Variants in CACNA1H observed in about 807,000 individuals in gnomAD.
The protein encoded by CACNA1H is voltage-dependent T-type calcium channel subunit alpha-1H.
In CACNA1H, 149 loss-of-function variants were observed where a neutral mutation model predicts 192.5. The ratio of observed to expected loss-of-function variants is 0.77; its 90% CI spans 0.68 to 0.89. The LOEUF (loss-of-function observed/expected upper bound fraction) is 0.89. Among genes scored for constraint, CACNA1H ranks in the 40% least tolerant of loss-of-function variants. The pLI, the probability that CACNA1H is intolerant of heterozygous loss-of-function variation, is 0.00. For synonymous variants in CACNA1H, 2,202 were observed against 1,475.2 expected, an observed-to-expected ratio of 1.49 and a Z score of -11.29; for missense variants, 4,257 against 3,423.5, an observed-to-expected ratio of 1.24 and a Z score of -6.08.
intron 2 of CACNA1H, among the ~76,000 whole-genome samples, chr16:1,162,374 G>C (rs1372114099): frequency 6.6e-6 from 1 of 152,024 alleles, no homozygotes; most frequent in African/African-American, 2.4e-5. Context: ...TCACCTGTGG[G>C]CCCCCCCGGA....
Position 1,212,036 on chromosome 16 carries a change from G to A in CACNA1H, c.4657G>A (p.Val1553Ile), listed in dbSNP as rs759669950. ...CTTCGTGCTCAACATGTTCGTGGGC[G>A]TCGTGGTCGAGAACTTCCACAAGTG... Reference protein sequence around the residue: ...SFFVLNMFVGVVVENFHKCRQ... With the variant: ...SFFVLNMFVGIVVENFHKCRQ... Residue 1553 changes from valine (V) to isoleucine (I), a missense_variant, in exon 25 of 35, where the codon GTC becomes ATC. By Grantham distance (29) the Val-to-Ile change is conservative (BLOSUM62 3). Transcript: ENST00000348261. The A allele has an allele frequency of 2.2e-5, 36 of 1,613,416 alleles. No individual in the cohort carries two copies. Among genetic ancestry groups the A allele is most frequent in the Admixed American group, 1.7e-4 (10 of 60,024 alleles).
At chr16:1,186,963 C>G (rs1966131740) in intron 2 of CACNA1H, among the ~76,000 whole-genome samples, 1 of 152,174 alleles carries the variant, frequency 6.6e-6, no homozygotes, top group Non-Finnish European at 1.5e-5. Context: ...TCCTGTACCA[C>G]CCACTGACTC....
At chr16:1,154,529 A>G (rs918183742) in intron 2 of CACNA1H, among the ~76,000 whole-genome samples, 2 of 151,516 alleles carry the variant, frequency 1.3e-5, no homozygotes, top group Non-Finnish European at 2.9e-5. Flanking sequence ...GCGTGGGGAG[A>G]CCCGTGGGGC....
At chr16:1,169,264 C>T (rs929179054) in intron 2 of CACNA1H, among the ~76,000 whole-genome samples, 1 of 152,242 alleles carries the variant, frequency 6.6e-6, no homozygotes, top group South Asian at 2.1e-4. Context: ...TCACTGTGGG[C>T]GGCACCGTCG....
At chr16:1,154,069 G>GT (rs1961946884) in intron 2 of CACNA1H, 33 bp downstream of exon 2, 2 of 845,316 alleles carry the variant, frequency 2.4e-6, no homozygotes, top group African/African-American at 4.8e-5. Flanking sequence ...GGCGGGGGGC[G>GT]GGGGGCGTGG....
At chr16:1,154,130 G>C (rs188293742) in intron 2 of CACNA1H, 94 bp downstream of exon 2, 1 of 1,023,430 alleles carries the variant, frequency 9.8e-7, no homozygotes. Context: ...GCCCCCGCGC[G>C]CCCCTGTTGG....
At chr16:1,197,054 C>G (rs1261519023) in intron 5 of CACNA1H, among the ~76,000 whole-genome samples, 1 of 152,198 alleles carries the variant, frequency 6.6e-6, no homozygotes, top group Non-Finnish European at 1.5e-5. Flanking sequence ...ACCCCCAAGG[C>G]TAGGCACTCC....
chr16:1,185,154 G>A (rs767144528), intron 2 of CACNA1H, among the ~76,000 whole-genome samples: 1 of 152,182 alleles, frequency 6.6e-6, no homozygotes, highest in Non-Finnish European at 1.5e-5. Flanking sequence ...CATGTTCCCG[G>A]GTTCACCTGT....
Position 1,195,034 on chromosome 16 carries a change from G to C in CACNA1H, c.362G>C (p.Arg121Pro). ...MLNCVTLGMF[R>P]PCEDVECGSE... ...AACTGCGTGACCCTGGGCATGTTCCGGCCCTGTGAGGACGTTGAGTGCGGC... is the reference window on the plus strand; with the variant it reads ...AACTGCGTGACCCTGGGCATGTTCCCGCCCTGTGAGGACGTTGAGTGCGGC... The change falls in exon 3 of 35, where the codon CGG becomes CCG. Residue 121 changes from arginine to proline, a missense_variant. Physicochemically the swap from Arg to Pro is moderately radical, Grantham distance 103. Transcript: ENST00000348261. 2.5e-6 allele frequency: 4 copies of C among 1,611,592 alleles called. No homozygotes were observed. The highest frequency in any genetic ancestry group is 2.2e-5 in the East Asian group (1 of 44,818).
At chr16:1,185,080 G>A (rs1198541151) in intron 2 of CACNA1H, among the ~76,000 whole-genome samples, 1 of 152,198 alleles carries the variant, frequency 6.6e-6, no homozygotes, top group African/African-American at 2.4e-5. Context: ...TTTGTCTCTG[G>A]GTTTGCCTGT....
At position 1,210,361 on chromosome 16, in the gene CACNA1H, C is replaced by T; in HGVS notation, c.3846-9C>T. 6.7e-7 allele frequency: 1 copy of T among 1,500,790 alleles called. No homozygotes were observed. Among genetic ancestry groups the T allele is most frequent in the Non-Finnish European group, 9.0e-7 (1 of 1,112,382 alleles). The allele number at this position is 1,500,790 out of a possible 1,614,324, so 93.0% of individuals were successfully genotyped here. ...CCGCCCCACCTCTCACCCGCCCCCG[C>T]CCACCCAGGTTCCGCGTCTCCTGCC... On this transcript the variant is annotated splice_polypyrimidine_tract_variant and intron_variant, in intron 18 of 34. Coordinates refer to ENST00000348261, the MANE Select transcript of CACNA1H (RefSeq NM_021098.3).
intron 26 of CACNA1H, among the ~76,000 whole-genome samples, chr16:1,212,754 C>T (rs1349883513): frequency 1.3e-5 from 2 of 152,206 alleles, no homozygotes; most frequent in South Asian, 2.1e-4. Flanking sequence ...GCATCTCCGC[C>T]GTGCGCCGGG....
chr16:1,193,991 G>T (rs1966832039), intron 2 of CACNA1H, among the ~76,000 whole-genome samples: 1 of 152,160 alleles, frequency 6.6e-6, no homozygotes, highest in African/African-American at 2.4e-5. Context: ...CCGCTGTAGT[G>T]AGCGTGGCCC....
chr16:1,208,256 C>T, intron 16 of CACNA1H, 35 bp downstream of exon 16: 1 of 1,483,728 alleles, frequency 6.7e-7, no homozygotes, highest in Non-Finnish European at 9.1e-7. Context: ...TCTCAGGCCC[C>T]TTCAGGTTTT....
intron 21 of CACNA1H, 46 bp downstream of exon 21, chr16:1,211,017 C>G (rs1465084272): frequency 1.7e-5 from 27 of 1,569,360 alleles, no homozygotes; most frequent in Non-Finnish European, 2.1e-5. Flanking sequence ...GAAGCACAGT[C>G]CCCTGACGCC....
chr16:1,201,584 A>T, intron 8 of CACNA1H, 79 bp from the exon 9 acceptor site: 1 of 1,457,342 alleles, frequency 6.9e-7, no homozygotes, highest in Non-Finnish European at 9.2e-7. Context: ...CCACTCGAAC[A>T]GGCAGCGCAC....
chr16:1,161,468 T>C (rs2151650784), intron 2 of CACNA1H, among the ~76,000 whole-genome samples: 1 of 152,288 alleles, frequency 6.6e-6, no homozygotes, highest in East Asian at 1.9e-4. Context: ...CTTGAGGCCT[T>C]TTTTTGGGCA....
chr16:1,198,791 C>T lies in CACNA1H; in HGVS notation c.803+17C>T, dbSNP rs375740846. 11 of 1,599,646 alleles carry T rather than the reference C, an allele frequency of 6.9e-6. No homozygotes were observed. The African/African-American group carries it at 1.5e-4, about 21-fold the overall frequency. On this transcript the variant is annotated intron_variant, in intron 6 of 34. Coordinates refer to ENST00000348261, the MANE Select transcript of CACNA1H (RefSeq NM_021098.3). ...CTTTGTCAGGTGCCCAGGCCCCACC[C>T]CCGTGAGGCCCCTGCCCAGATGGCC... is the stretch of plus-strand genomic sequence containing the variant.
At chr16:1,158,207 C>A (rs1381851391) in intron 2 of CACNA1H, among the ~76,000 whole-genome samples, 1 of 152,214 alleles carries the variant, frequency 6.6e-6, no homozygotes, top group Middle Eastern at 3.2e-3. Context: ...TCCCCACCCC[C>A]ACAGCTGATC....
Sources: allele counts gnomAD v4.1 joint callset (sites outside exome capture counted in the v4.1 genomes callset), GRCh38; gene constraint gnomAD v4.1.1; transcripts MANE v1.5; gene names NCBI Gene and HGNC (gene_info 2026-07-23, HGNC 2026-07-21).